Variants in CMSS1 observed in about 807,000 individuals in gnomAD.
The protein encoded by CMSS1 is cms1 ribosomal small subunit homolog.
In CMSS1, 33 loss-of-function variants were observed where a neutral mutation model predicts 43.5. The observed-to-expected ratio is 0.76, with a 90% CI of 0.57 to 1.01. The LOEUF (loss-of-function observed/expected upper bound fraction) is 1.01, where lower values mean the gene tolerates loss of function less well. Ranked by LOEUF, CMSS1 falls within the 50% of genes least tolerant of loss-of-function variation. CMSS1 has a pLI of 0.00. For synonymous variants in CMSS1, 115 were observed against 117.2 expected (o/e 0.98, Z 0.12); for missense variants, 313 against 326.4 (o/e 0.96, Z 0.32).
intron 1 of CMSS1, among the ~76,000 whole-genome samples, chr3:99,918,167 A>G (rs1195132552): frequency 3.3e-5 from 5 of 152,094 alleles, no homozygotes; most frequent in African/African-American, 2.4e-5. Context: ...TAGTAGAGAC[A>G]GGGTTTCACC....
At chr3:99,888,518 C>A (rs963630407) in intron 1 of CMSS1, among the ~76,000 whole-genome samples, 1 of 152,166 alleles carries the variant, frequency 6.6e-6, no homozygotes, top group Admixed American at 6.5e-5. Context: ...AACAAAAGCA[C>A]CCCTGAATAT....
At chr3:100,123,928 T>C (rs1405493473) in intron 1 of CMSS1, among the ~76,000 whole-genome samples, 1 of 152,210 alleles carries the variant, frequency 6.6e-6, no homozygotes, top group Non-Finnish European at 1.5e-5. Flanking sequence ...TTCATTACAT[T>C]AACTTCACTT....
At chr3:100,066,635 C>T (rs1370975681) in intron 1 of CMSS1, among the ~76,000 whole-genome samples, 1 of 107,732 alleles carries the variant, frequency 9.3e-6, no homozygotes, top group East Asian at 2.7e-4. Flanking sequence ...GGGTTCACGC[C>T]ATTCTCCTGC....
chr3:100,117,682 G>A (rs1383030844), intron 1 of CMSS1, among the ~76,000 whole-genome samples: 6 of 150,050 alleles, frequency 4.0e-5, no homozygotes, highest in Non-Finnish European at 8.9e-5. Context: ...AAATATCTCA[G>A]TAATAATGTG....
intron 1 of CMSS1, among the ~76,000 whole-genome samples, chr3:99,928,046 A>G (rs560734668): frequency 2.6e-5 from 4 of 152,374 alleles, no homozygotes; most frequent in African/African-American, 9.6e-5. Context: ...AGAAAATAAA[A>G]GGGAGAAGGG....
intron 3 of CMSS1, among the ~76,000 whole-genome samples, chr3:100,161,717 A>C (rs1012245635): frequency 6.6e-5 from 10 of 152,338 alleles, no homozygotes; most frequent in Middle Eastern, 3.4e-3. Flanking sequence ...AGTCCAAATC[A>C]AAATCGATGT....
chr3:99,904,279 G>T (rs940459466), intron 1 of CMSS1, among the ~76,000 whole-genome samples: 1 of 152,184 alleles, frequency 6.6e-6, no homozygotes, highest in Non-Finnish European at 1.5e-5. Flanking sequence ...TCATTTGCTA[G>T]TATTTTTGTT....
intron 1 of CMSS1, among the ~76,000 whole-genome samples, chr3:99,958,960 A>G (rs1313422393): frequency 6.6e-6 from 1 of 152,170 alleles, no homozygotes; most frequent in Non-Finnish European, 1.5e-5. Context: ...ATACCACTGG[A>G]TTCTTGTGTG....
At chr3:100,062,854 A>C (rs892669064) in intron 1 of CMSS1, among the ~76,000 whole-genome samples, 1 of 151,934 alleles carries the variant, frequency 6.6e-6, no homozygotes, top group African/African-American at 2.4e-5. Context: ...TAGTCCCCCA[A>C]CTCTCAGTTA....
intron 1 of CMSS1, chr3:100,114,606 A>C (rs2066541064): frequency 5.4e-6 from 1 of 185,606 alleles, no homozygotes; most frequent in African/African-American, 2.4e-5. Context: ...ACACCCTCTT[A>C]GGTAATTTTA....
rs115671791 is a variant in CMSS1, at chr3:99,980,949, A to G, written c.64+162906A>G. On this transcript the variant is annotated intron_variant, in intron 1 of 9. Transcript: ENST00000421999. The stretch of plus-strand genomic sequence containing the variant: ...GGCTATGTACCCATGTTTGCTGGAC[A>G]ATTGGGACCCATTTAACCAAATGAG... 3.1e-3 allele frequency among the ~76,000 whole-genome samples: 475 copies of G among 152,274 alleles called. 4 individuals carry two copies. The highest frequency in any genetic ancestry group is 0.01 in the Middle Eastern group (3 of 294).
chr3:100,172,996 T>C (rs941934980), intron 8 of CMSS1, among the ~76,000 whole-genome samples: 1 of 152,218 alleles, frequency 6.6e-6, no homozygotes, highest in Non-Finnish European at 1.5e-5. Context: ...TTGAATGATT[T>C]CTTTTCAATA....
intron 1 of CMSS1, among the ~76,000 whole-genome samples, chr3:100,079,301 A>G (rs1173161765): frequency 6.6e-6 from 1 of 152,218 alleles, no homozygotes; most frequent in East Asian, 1.9e-4. Context: ...GCCAGCCTAG[A>G]TTCAAGGTAG....
intron 1 of CMSS1, among the ~76,000 whole-genome samples, chr3:99,982,645 A>G (rs1428817022): frequency 6.6e-6 from 1 of 152,098 alleles, no homozygotes; most frequent in Non-Finnish European, 1.5e-5. Context: ...TGCCTGGCCC[A>G]TTCAGCTAAC....
At chr3:99,889,327 A>G (rs1706010027) in intron 1 of CMSS1, among the ~76,000 whole-genome samples, 1 of 152,132 alleles carries the variant, frequency 6.6e-6, no homozygotes, top group Admixed American at 6.5e-5. Flanking sequence ...TTCATATTAT[A>G]TAATAACCCT....
chr3:99,878,711 TATC>T (rs1205401535), intron 1 of CMSS1, among the ~76,000 whole-genome samples: 1 of 152,226 alleles, frequency 6.6e-6, no homozygotes, highest in East Asian at 1.9e-4. Flanking sequence ...AAAATTAGAA[TATC>T]ATCACCATTT....
intron 1 of CMSS1, among the ~76,000 whole-genome samples, chr3:99,894,681 A>AT (rs1368728662): frequency 6.6e-6 from 1 of 152,202 alleles, no homozygotes; most frequent in Admixed American, 6.5e-5. Flanking sequence ...TAAAAACGAT[A>AT]TTATTAATTA....
intron 1 of CMSS1, among the ~76,000 whole-genome samples, chr3:99,867,910 T>C (rs1218597434): frequency 6.6e-6 from 1 of 152,180 alleles, no homozygotes; most frequent in Non-Finnish European, 1.5e-5. Flanking sequence ...AATAAGTACT[T>C]AAAATGTTAT....
intron 3 of CMSS1, among the ~76,000 whole-genome samples, chr3:100,160,897 C>T (rs1387331026): frequency 1.3e-5 from 2 of 152,084 alleles, no homozygotes; most frequent in Admixed American, 6.6e-5. Context: ...GACCTTATAC[C>T]TTAAAGTATG....
Sources: allele counts gnomAD v4.1 joint callset (sites outside exome capture counted in the v4.1 genomes callset), GRCh38; gene constraint gnomAD v4.1.1; transcripts MANE v1.5; gene names NCBI Gene and HGNC (gene_info 2026-07-23, HGNC 2026-07-21).